The following THRB variants were observed in gnomAD, a reference collection of about 807,000 sequenced individuals.
THRB encodes the protein thyroid hormone receptor beta.
A neutral mutation model predicts 47.8 loss-of-function variants in THRB; 12 were observed. That is an observed-to-expected ratio of 0.25 (90% confidence interval 0.16 to 0.41). THRB has a LOEUF of 0.41. Among genes scored for constraint, THRB ranks in the 10% least tolerant of loss-of-function variants. THRB has a pLI of 1.00. For missense variants in THRB, 348 were observed against 589.2 expected, an observed-to-expected ratio of 0.59 and a Z score of 4.24; for synonymous variants, 218 against 212.2, an observed-to-expected ratio of 1.03 and a Z score of -0.24.
At chr3:24,333,763 G>C (rs2062068283) in intron 2 of THRB, among the ~76,000 whole-genome samples, 1 of 152,194 alleles carries the variant, frequency 6.6e-6, no homozygotes, top group Non-Finnish European at 1.5e-5. Context: ...TCTGTGTTGT[G>C]AGTGAAATAG....
rs574069220 is a variant in THRB, at chr3:24,189,200, T to C, written c.283+874A>G. On this transcript the variant is annotated intron_variant, in intron 5 of 10. Transcript: ENST00000646209. Reference sequence around the variant, plus strand: ...AACTTTATTATGTTTTGGTATATGATTGTGAGATTTTCAAAACACAATTTA... The same window carrying C: ...AACTTTATTATGTTTTGGTATATGACTGTGAGATTTTCAAAACACAATTTA... Among the ~76,000 whole-genome samples, 10 of 152,216 alleles carry C rather than the reference T, an allele frequency of 6.6e-5. No homozygotes were observed. The South Asian group carries it at 1.9e-3, about 28-fold the overall frequency.
intron 8 of THRB, among the ~76,000 whole-genome samples, chr3:24,138,400 G>T (rs879551811): frequency 6.6e-6 from 1 of 152,158 alleles, no homozygotes; most frequent in Non-Finnish European, 1.5e-5. Flanking sequence ...TGGCAGTGCG[G>T]GGTGTGGGGG....
chr3:24,167,235 G>A (rs1380625502), intron 5 of THRB, among the ~76,000 whole-genome samples: 1 of 152,134 alleles, frequency 6.6e-6, no homozygotes, highest in East Asian at 1.9e-4. Context: ...TTTAAAAACT[G>A]CAACTGATAT....
At chr3:24,242,636 C>G (rs2049662826) in intron 3 of THRB, among the ~76,000 whole-genome samples, 1 of 152,178 alleles carries the variant, frequency 6.6e-6, no homozygotes, top group African/African-American at 2.4e-5. Flanking sequence ...CACACTGTCA[C>G]TATTATTCTT....
intron 1 of THRB, among the ~76,000 whole-genome samples, chr3:24,343,933 ATTTATATATTATATATTATT>A (rs940467795): frequency 6.8e-6 from 1 of 147,052 alleles, no homozygotes; most frequent in African/African-American, 2.5e-5. Flanking sequence ...TATATTATTT[ATTTATATATTATATATTATT>A]TATATATATA....
intron 6 of THRB, among the ~76,000 whole-genome samples, chr3:24,148,143 T>G (rs553709447): frequency 6.6e-6 from 1 of 152,308 alleles, no homozygotes; most frequent in South Asian, 2.1e-4. Context: ...AAAATTTTTT[T>G]TGAGACAGAG....
chr3:24,183,363 C>CT (rs2042158277), intron 5 of THRB, among the ~76,000 whole-genome samples: 2 of 74,876 alleles, frequency 2.7e-5, no homozygotes, highest in Non-Finnish European at 2.8e-5. Flanking sequence ...TTTCTTTTTT[C>CT]TTTTCTTTTT....
intron 1 of THRB, among the ~76,000 whole-genome samples, chr3:24,345,698 A>G (rs2062968110): frequency 6.6e-6 from 1 of 152,088 alleles, no homozygotes; most frequent in South Asian, 2.1e-4. Flanking sequence ...ATTGGCAGAT[A>G]TTGGTCTAGT....
intron 3 of THRB, among the ~76,000 whole-genome samples, chr3:24,234,624 A>G (rs2048680803): frequency 6.6e-6 from 1 of 152,212 alleles, no homozygotes; most frequent in Non-Finnish European, 1.5e-5. Flanking sequence ...CCACTCCTGC[A>G]AGGCTTAGGT....
At chr3:24,402,002 C>T (rs1474250990) in intron 1 of THRB, among the ~76,000 whole-genome samples, 1 of 151,976 alleles carries the variant, frequency 6.6e-6, no homozygotes, top group Non-Finnish European at 1.5e-5. Flanking sequence ...TTGTCTGCTA[C>T]AGGGCAGGCT....
intron 1 of THRB, among the ~76,000 whole-genome samples, chr3:24,373,466 C>T (rs2065058225): frequency 6.6e-6 from 1 of 152,064 alleles, no homozygotes; most frequent in Non-Finnish European, 1.5e-5. Flanking sequence ...TCTTGGAGGC[C>T]AGCCATGACT....
chr3:24,202,987 G>C (rs2044777397), intron 4 of THRB, among the ~76,000 whole-genome samples: 1 of 152,200 alleles, frequency 6.6e-6, no homozygotes. Flanking sequence ...TGGCAAATGG[G>C]AACTCTTGTA....
At chr3:24,333,294 A>G (rs2062039325) in intron 2 of THRB, among the ~76,000 whole-genome samples, 1 of 152,192 alleles carries the variant, frequency 6.6e-6, no homozygotes, top group African/African-American at 2.4e-5. Flanking sequence ...CTGACTACAC[A>G]CATGTTACAT....
chr3:24,404,104 G>A (rs982877883), intron 1 of THRB, among the ~76,000 whole-genome samples: 6 of 152,056 alleles, frequency 3.9e-5, no homozygotes, highest in South Asian at 4.1e-4. Context: ...ACTCAGATCT[G>A]TGGAGATGTA....
chr3:24,491,860 G>T (rs187232791), intron 1 of THRB, among the ~76,000 whole-genome samples: 3 of 152,344 alleles, frequency 2.0e-5, no homozygotes, highest in Admixed American at 1.3e-4. Flanking sequence ...CAGGGATCAA[G>T]GTAACATGTC....
At chr3:24,133,970 G>A (rs2034261608) in intron 8 of THRB, among the ~76,000 whole-genome samples, 1 of 152,148 alleles carries the variant, frequency 6.6e-6, no homozygotes, top group Non-Finnish European at 1.5e-5. Flanking sequence ...GCTCCCCTCT[G>A]CCCTACAGAC....
chr3:24,262,973 A>C (rs1252380959), intron 3 of THRB, among the ~76,000 whole-genome samples: 1 of 152,224 alleles, frequency 6.6e-6, no homozygotes, highest in Non-Finnish European at 1.5e-5. Flanking sequence ...CATCCAGTTT[A>C]GGTGGCTGGC....
intron 2 of THRB, among the ~76,000 whole-genome samples, chr3:24,306,309 T>C (rs869785): frequency 0.7 from 105,933 of 152,096 alleles, 37,183 homozygotes; most frequent in East Asian, 0.82. Flanking sequence ...TCAGATTTCC[T>C]TGCTTCAGAC....
At chr3:24,181,082 A>C (rs1208014199) in intron 5 of THRB, among the ~76,000 whole-genome samples, 1 of 152,222 alleles carries the variant, frequency 6.6e-6, no homozygotes, top group African/African-American at 2.4e-5. Flanking sequence ...TTCCTGGGAA[A>C]AAGATATCCT....
Sources: allele counts gnomAD v4.1 joint callset (sites outside exome capture counted in the v4.1 genomes callset), GRCh38; gene constraint gnomAD v4.1.1; transcripts MANE v1.5; gene names NCBI Gene and HGNC (gene_info 2026-07-23, HGNC 2026-07-21).